The following OXR1 variants were observed in gnomAD, a reference collection of about 807,000 sequenced individuals.
OXR1 encodes the protein oxidation resistance protein 1.
In OXR1, 41 loss-of-function variants were observed where a neutral mutation model predicts 104.6. That is an observed-to-expected ratio of 0.39 (90% CI 0.31 to 0.51). OXR1 has a LOEUF of 0.51. OXR1 is among the 20% of genes least tolerant of loss of function. The pLI is 0.77. For missense variants in OXR1, 955 were observed against 1,031.9 expected, an observed-to-expected ratio of 0.93 and a Z score of 1.02; for synonymous variants, 348 against 348.4, an observed-to-expected ratio of 1.00 and a Z score of 0.01.
At chr8:106,576,478 A>G (rs572667659) in intron 3 of OXR1, among the ~76,000 whole-genome samples, 4 of 150,130 alleles carry the variant, frequency 2.7e-5, no homozygotes, top group Non-Finnish European at 5.9e-5. Context: ...AAAAAAAAAA[A>G]AAAAAAAGAA....
chr8:106,333,883 TC>T (rs1242520805), intron 1 of OXR1, among the ~76,000 whole-genome samples: 3 of 152,136 alleles, frequency 2.0e-5, no homozygotes, highest in African/African-American at 7.2e-5. Context: ...AATTTTGAAA[TC>T]AGTAAGATTA....
chr8:106,651,645 C>T (rs551879691), intron 3 of OXR1, among the ~76,000 whole-genome samples: 23 of 152,196 alleles, frequency 1.5e-4, no homozygotes, highest in African/African-American at 3.6e-4. Flanking sequence ...GCCAGTACTA[C>T]GGTTTTTGAT....
chr8:106,490,960 A>T (rs551845552), intron 2 of OXR1, among the ~76,000 whole-genome samples: 1 of 152,300 alleles, frequency 6.6e-6, no homozygotes, highest in African/African-American at 2.4e-5. Flanking sequence ...TTTATTTGTT[A>T]TTAAACAAAT....
At chr8:106,578,376 G>GT (rs1818002442) in intron 3 of OXR1, among the ~76,000 whole-genome samples, 1 of 152,246 alleles carries the variant, frequency 6.6e-6, no homozygotes, top group African/African-American at 2.4e-5. Context: ...ATACAGTAGA[G>GT]TTTTTTAAAG....
At chr8:106,505,543 A>C (rs1563567660) in intron 2 of OXR1, among the ~76,000 whole-genome samples, 1 of 152,210 alleles carries the variant, frequency 6.6e-6, no homozygotes, top group Non-Finnish European at 1.5e-5. Context: ...AGCAGAATGC[A>C]GTGCTAAAGA....
At chr8:106,285,931 C>T (rs1812482561) in intron 1 of OXR1, among the ~76,000 whole-genome samples, 2 of 61,694 alleles carry the variant, frequency 3.2e-5, no homozygotes. Context: ...TGTCTTTAAT[C>T]TATGCAACAT....
intron 11 of OXR1, among the ~76,000 whole-genome samples, chr8:106,724,668 G>A (rs899487959): frequency 5.3e-5 from 8 of 152,088 alleles, no homozygotes; most frequent in African/African-American, 1.9e-4. Context: ...TATTGATGCC[G>A]GCTAAAACTT....
At chr8:106,689,624 C>T (rs1829081704) in intron 6 of OXR1, among the ~76,000 whole-genome samples, 1 of 151,732 alleles carries the variant, frequency 6.6e-6, no homozygotes, top group East Asian at 1.9e-4. Context: ...CTTTCTAATT[C>T]TAGTCAAGTA....
chr8:106,551,652 G>C (rs1318666543), intron 3 of OXR1, among the ~76,000 whole-genome samples: 2 of 151,718 alleles, frequency 1.3e-5, no homozygotes, highest in East Asian at 3.9e-4. Flanking sequence ...ATTTGACTTA[G>C]AAGGAGTGGG....
At chr8:106,629,933 G>A (rs147391360) in intron 3 of OXR1, among the ~76,000 whole-genome samples, 26 of 152,266 alleles carry the variant, frequency 1.7e-4, no homozygotes, top group African/African-American at 6.0e-4. Context: ...AATAGTCAAT[G>A]TGATCTAAAT....
In OXR1 at chr8:106,488,790, T is replaced by A. The variant is rs112996894; in HGVS notation, c.24-30153T>A. On this transcript the variant is annotated intron_variant, in intron 2 of 16. Transcript: ENST00000517566. ...TCTGTTCCATTGATCTATATCTCTG[T>A]TTTGGTACCAGTACCATGCTGTTTT... Among the ~76,000 whole-genome samples the A allele has an allele frequency of 3.4e-5, 5 of 149,142 alleles. No individual in the cohort carries two copies. In the South Asian group the frequency reaches 8.5e-4, roughly 25 times the overall value.
intron 2 of OXR1, among the ~76,000 whole-genome samples, chr8:106,367,777 G>A (rs1054191383): frequency 2.0e-5 from 3 of 152,208 alleles, no homozygotes; most frequent in Admixed American, 6.5e-5. Flanking sequence ...GGATTGGGGA[G>A]TTGGTATGAA....
chr8:106,477,446 A>C (rs1482082785), intron 2 of OXR1, among the ~76,000 whole-genome samples: 1 of 152,016 alleles, frequency 6.6e-6, no homozygotes, highest in Non-Finnish European at 1.5e-5. Flanking sequence ...ATGATTGAAT[A>C]CTGCATCTTT....
chr8:106,339,262 G>T (rs1018542508), intron 1 of OXR1, among the ~76,000 whole-genome samples: 1 of 151,680 alleles, frequency 6.6e-6, no homozygotes, highest in African/African-American at 2.4e-5. Context: ...TTGGGAGGCT[G>T]AGGAGGGCAG....
At chr8:106,743,350 C>T (rs1190400280) in intron 15 of OXR1, among the ~76,000 whole-genome samples, 1 of 152,154 alleles carries the variant, frequency 6.6e-6, no homozygotes, top group African/African-American at 2.4e-5. Flanking sequence ...GAGGCAGAGT[C>T]TTGCTGTGTC....
At chr8:106,549,204 C>CCAGG (rs1815609192) in intron 3 of OXR1, among the ~76,000 whole-genome samples, 1 of 152,088 alleles carries the variant, frequency 6.6e-6, no homozygotes. Flanking sequence ...TGCAAAACCC[C>CCAGG]CAGGCCCCCT....
At chr8:106,322,650 T>C (rs1442282120) in intron 1 of OXR1, among the ~76,000 whole-genome samples, 1 of 152,154 alleles carries the variant, frequency 6.6e-6, no homozygotes, top group Non-Finnish European at 1.5e-5. Context: ...CAACTCATCC[T>C]AAAAGCTCTT....
intron 3 of OXR1, among the ~76,000 whole-genome samples, chr8:106,526,486 T>A (rs1315893407): frequency 6.6e-6 from 1 of 152,120 alleles, no homozygotes; most frequent in East Asian, 1.9e-4. Flanking sequence ...TAATTTAGAG[T>A]ATTGAAATTA....
chr8:106,285,992 A>T (rs1429728081), intron 1 of OXR1, among the ~76,000 whole-genome samples: 1 of 142,988 alleles, frequency 7.0e-6, no homozygotes, highest in Non-Finnish European at 1.6e-5. Context: ...GTCCTGTGGT[A>T]GATGTGGGGC....
Sources: gnomAD v4.1 joint callset for allele counts (sites outside exome capture counted in the v4.1 genomes callset) on GRCh38, gnomAD v4.1.1 for gene constraint, MANE v1.5 for transcripts, NCBI Gene and HGNC (gene_info 2026-07-23, HGNC 2026-07-21) for gene names.